The following DACH2 variants were observed in gnomAD, a reference collection of about 807,000 sequenced individuals.
DACH2 encodes dachshund homolog 2.
In DACH2, 17 loss-of-function variants were observed where a neutral mutation model predicts 35.8. The ratio of observed to expected loss-of-function variants is 0.48; its 90% CI spans 0.33 to 0.71. The LOEUF (loss-of-function observed/expected upper bound fraction) is 0.71, where lower values mean the gene tolerates loss of function less well. DACH2 is among the 30% of genes least tolerant of loss of function. The pLI is 0.02. For missense variants in DACH2, 469 were observed against 472.7 expected (o/e 0.99, Z 0.07); for synonymous variants, 195 against 177.3 (o/e 1.10, Z -0.79).
intron 7 of DACH2, among the ~76,000 whole-genome samples, chrX:86,759,587 A>G (rs758954847): frequency 2.8e-5 from 3 of 107,561 alleles, no homozygotes; most frequent in African/African-American, 1.0e-4. Flanking sequence ...AAATCCATTC[A>G]GCTAGTCTAT....
chrX:86,403,681 C>T (rs1314414333), intron 2 of DACH2, among the ~76,000 whole-genome samples: 2 of 111,920 alleles, frequency 1.8e-5, no homozygotes, highest in African/African-American at 6.5e-5. Flanking sequence ...CCAGCAGTTC[C>T]ATTACTGTGT....
At chrX:86,625,248 GTGTGTGTGT>G (rs2040121915) in intron 3 of DACH2, among the ~76,000 whole-genome samples, 2 of 94,024 alleles carry the variant, frequency 2.1e-5, no homozygotes, top group East Asian at 7.4e-4. Context: ...GTGTGTGTGT[GTGTGTGTGT>G]GTTAGGGGTG....
chrX:86,413,465 A>G (rs1234621940), intron 2 of DACH2, among the ~76,000 whole-genome samples: 1 of 111,740 alleles, frequency 8.9e-6, no homozygotes, highest in African/African-American at 3.3e-5. Context: ...TACAGCAGCT[A>G]CAATTGGAGT....
intron 2 of DACH2, among the ~76,000 whole-genome samples, chrX:86,493,730 G>A (rs1312273374): frequency 1.8e-5 from 2 of 111,826 alleles, no homozygotes; most frequent in African/African-American, 6.5e-5. Flanking sequence ...TGGTATAGCT[G>A]ATAGATAATA....
chrX:86,185,908 A>G (rs192329706), intron 1 of DACH2, among the ~76,000 whole-genome samples: 1 of 112,400 alleles, frequency 8.9e-6, no homozygotes, highest in East Asian at 2.8e-4. Flanking sequence ...TAAAGTTATA[A>G]TAATAATTTC....
rs752103907 is a variant in DACH2, at chrX:86,667,981, C to T, written c.772+16814C>T. Among the ~76,000 whole-genome samples the T allele has an allele frequency of 2.7e-5, 3 of 112,012 alleles. No individual in the cohort carries two copies. The East Asian group carries it at 8.5e-4, about 32-fold the overall frequency. Reference sequence around the variant, plus strand: ...TAACGTTAATGAGAACTGCACATTTCACTGAAGGAAAATATATACCTCTTA... The same window carrying T: ...TAACGTTAATGAGAACTGCACATTTTACTGAAGGAAAATATATACCTCTTA... On this transcript the variant is annotated intron_variant, in intron 4 of 11. Transcript: ENST00000373125.
chrX:86,814,886 T>C, intron 10 of DACH2, 52 bp downstream of exon 10: 1 of 1,103,315 alleles, frequency 9.1e-7, no homozygotes, highest in Middle Eastern at 2.5e-4. Context: ...CAAAACTGAT[T>C]GAAGAAAAAT....
rs1050296908 is a variant in DACH2 at position 86,710,484 on chromosome X, G to A, written c.932-4064G>A. Among the ~76,000 whole-genome samples, 59 of 112,299 alleles carry A rather than the reference G, an allele frequency of 5.3e-4. 4 individuals carry two copies. The highest frequency in any genetic ancestry group is 1.9e-5 in the Non-Finnish European group (1 of 53,273). ...ATAGTAATATGAGGGCCAACTGTGT[G>A]ATGGCAGAGTGGAGATATAAGGAAA... On this transcript the variant is annotated intron_variant, in intron 5 of 11. Coordinates refer to ENST00000373125, the MANE Select transcript of DACH2 (RefSeq NM_053281.3).
intron 2 of DACH2, among the ~76,000 whole-genome samples, chrX:86,474,105 C>T (rs1391520149): frequency 9.0e-6 from 1 of 111,660 alleles, no homozygotes; most frequent in Non-Finnish European, 1.9e-5. Context: ...TTGCATTTCT[C>T]CGATGATGAA....
At chrX:86,538,399 A>T (rs1002978543) in intron 3 of DACH2, among the ~76,000 whole-genome samples, 2 of 111,874 alleles carry the variant, frequency 1.8e-5, no homozygotes, top group Non-Finnish European at 3.8e-5. Context: ...CTAATTACCC[A>T]GTTCCAAATC....
chrX:86,310,278 T>A (rs2034771452), intron 1 of DACH2, among the ~76,000 whole-genome samples: 1 of 111,726 alleles, frequency 9.0e-6, no homozygotes, highest in Non-Finnish European at 1.9e-5. Context: ...TGTATATACA[T>A]GATTGGGCAC....
intron 2 of DACH2, among the ~76,000 whole-genome samples, chrX:86,404,667 T>C (rs932078592): frequency 9.0e-6 from 1 of 111,638 alleles, no homozygotes; most frequent in Non-Finnish European, 1.9e-5. Context: ...TGCAAGCTGT[T>C]GTTGGATCTA....
intron 3 of DACH2, among the ~76,000 whole-genome samples, chrX:86,632,709 T>G (rs1313603001): frequency 9.0e-6 from 1 of 110,765 alleles, no homozygotes; most frequent in Non-Finnish European, 1.9e-5. Context: ...AAAGATAGCC[T>G]CAATAAATTG....
chrX:86,276,504 A>T (rs747340646), intron 1 of DACH2, among the ~76,000 whole-genome samples: 9 of 111,140 alleles, frequency 8.1e-5, no homozygotes, highest in Non-Finnish European at 1.7e-4. Flanking sequence ...TGTTGATTGT[A>T]TTCTTTGCTG....
chrX:86,648,878 G>A (rs1413220508), intron 3 of DACH2, among the ~76,000 whole-genome samples: 1 of 111,051 alleles, frequency 9.0e-6, no homozygotes, highest in African/African-American at 3.3e-5. Context: ...TGAATAAAGT[G>A]TAAGGAGCTA....
intron 2 of DACH2, among the ~76,000 whole-genome samples, chrX:86,469,385 A>T (rs2037726627): frequency 9.0e-6 from 1 of 111,384 alleles, no homozygotes; most frequent in African/African-American, 3.3e-5. Context: ...GAGGTGATAC[A>T]TATGTTAAAT....
rs994531928 is a variant in DACH2 at position 86,148,495 on chromosome X, G to T, written c.-126G>T. 2 of 810,659 alleles carry T rather than the reference G, an allele frequency of 2.5e-6. No homozygotes were observed. The highest frequency in any genetic ancestry group is 3.5e-5 in the East Asian group (1 of 28,526). 66.8% of individuals were successfully genotyped at this position (810,659 alleles called of 1,213,427 possible). On this transcript the variant is annotated 5_prime_UTR_variant, in exon 1 of 12. Transcript: ENST00000373125. ...CGTGAGCCGGCTGCTGAAGACTTGC[G>T]AACAGTTCGGAGCCAGCGAGAGCGC...
chrX:86,544,043 T>C (rs1169371398), intron 3 of DACH2, among the ~76,000 whole-genome samples: 1 of 111,103 alleles, frequency 9.0e-6, no homozygotes, highest in Non-Finnish European at 1.9e-5. Flanking sequence ...GCTGAGGAAA[T>C]ACTCTCAGAG....
chrX:86,422,461 G>A (rs1320697734), intron 2 of DACH2, among the ~76,000 whole-genome samples: 1 of 110,492 alleles, frequency 9.1e-6, no homozygotes, highest in Non-Finnish European at 1.9e-5. Context: ...CCCTATAATT[G>A]GCTGTCTCTC....
Sources: gnomAD v4.1 joint callset for allele counts (sites outside exome capture counted in the v4.1 genomes callset) on GRCh38, gnomAD v4.1.1 for gene constraint, MANE v1.5 for transcripts, NCBI Gene and HGNC (gene_info 2026-07-23, HGNC 2026-07-21) for gene names.